Variants in NRXN3 observed in about 807,000 individuals in gnomAD.
NRXN3 encodes the protein neurexin 3.
Under a neutral mutation model 137.6 loss-of-function variants are expected in NRXN3, and 32 were observed. The observed-to-expected ratio is 0.23, with a 90% CI of 0.18 to 0.31. The LOEUF (loss-of-function observed/expected upper bound fraction) is 0.31, where lower values mean the gene tolerates loss of function less well. Ranked by LOEUF, NRXN3 falls within the 10% of genes least tolerant of loss-of-function variation. NRXN3 has a pLI of 1.00. For missense variants in NRXN3, 1,574 were observed against 2,062.5 expected (o/e 0.76, Z 4.59); for synonymous variants, 798 against 784.5 (o/e 1.02, Z -0.29).
chr14:79,334,732 G>GT (rs2092108477), intron 15 of NRXN3, among the ~76,000 whole-genome samples: 1 of 152,154 alleles, frequency 6.6e-6, no homozygotes, highest in Non-Finnish European at 1.5e-5. Flanking sequence ...TATTAGTGTG[G>GT]TAGTGGCAAG....
At chr14:79,327,413 C>T (rs1480260161) in intron 15 of NRXN3, among the ~76,000 whole-genome samples, 1 of 152,178 alleles carries the variant, frequency 6.6e-6, no homozygotes, top group Non-Finnish European at 1.5e-5. Context: ...AAGAACTTGT[C>T]CTCCTTACTA....
At chr14:79,514,943 T>C (rs1434934585) in intron 16 of NRXN3, among the ~76,000 whole-genome samples, 1 of 150,866 alleles carries the variant, frequency 6.6e-6, no homozygotes, top group Non-Finnish European at 1.5e-5. Context: ...AGTCACATAT[T>C]TGCAGGGTTA....
intron 8 of NRXN3, among the ~76,000 whole-genome samples, chr14:78,773,572 A>T (rs1468097791): frequency 1.3e-5 from 2 of 150,478 alleles, no homozygotes; most frequent in African/African-American, 2.4e-5. Context: ...TTAATTTTTA[A>T]TTTTTTTTTT....
chr14:79,060,092 C>A (rs140683729), intron 15 of NRXN3, among the ~76,000 whole-genome samples: 29 of 152,292 alleles, frequency 1.9e-4, no homozygotes, highest in Admixed American at 1.8e-3. Context: ...TTGAAATATG[C>A]CTCAGACTTT....
intron 19 of NRXN3, among the ~76,000 whole-genome samples, chr14:79,773,249 A>C (rs2139857596): frequency 6.6e-6 from 1 of 152,218 alleles, no homozygotes; most frequent in African/African-American, 2.4e-5. Context: ...AACTAGAAAT[A>C]CCATTTGACC....
At chr14:79,424,936 G>A (rs2095632554) in intron 15 of NRXN3, among the ~76,000 whole-genome samples, 1 of 152,098 alleles carries the variant, frequency 6.6e-6, no homozygotes, top group Non-Finnish European at 1.5e-5. Context: ...AGCTTCAAGA[G>A]CTAAATGACT....
chr14:78,264,018 A>G (rs2071263596), intron 2 of NRXN3, among the ~76,000 whole-genome samples: 1 of 151,830 alleles, frequency 6.6e-6, no homozygotes, highest in African/African-American at 2.4e-5. Context: ...CCCTTTCCTA[A>G]TAGTTTCTCA....
At chr14:79,030,630 T>TC (rs2099606308) in intron 15 of NRXN3, among the ~76,000 whole-genome samples, 1 of 119,734 alleles carries the variant, frequency 8.4e-6, no homozygotes, top group Non-Finnish European at 1.7e-5. Context: ...TCTCTTTCTC[T>TC]GTGTCTTTTT....
chr14:78,585,089 T>A (rs1436256613), intron 4 of NRXN3, among the ~76,000 whole-genome samples: 1 of 143,520 alleles, frequency 7.0e-6, no homozygotes, highest in African/African-American at 2.6e-5. Flanking sequence ...CATACATTAT[T>A]AGGTGGTGAT....
chr14:78,955,127 G>T (rs976836184), intron 10 of NRXN3, among the ~76,000 whole-genome samples: 1 of 152,142 alleles, frequency 6.6e-6, no homozygotes, highest in Non-Finnish European at 1.5e-5. Flanking sequence ...ACTTGTAGCA[G>T]TTCTGCCTTC....
intron 4 of NRXN3, among the ~76,000 whole-genome samples, chr14:78,643,248 G>A (rs1462484464): frequency 6.6e-6 from 1 of 152,210 alleles, no homozygotes. Flanking sequence ...ACAGATCTGA[G>A]TTGAAGTGGA....
intron 3 of NRXN3, among the ~76,000 whole-genome samples, chr14:78,290,922 G>C (rs113311995): frequency 0.01 from 1,586 of 152,304 alleles, 26 homozygotes; most frequent in African/African-American, 0.032. Flanking sequence ...GTTTTAAAGA[G>C]AGAAGTGGCT....
intron 8 of NRXN3, among the ~76,000 whole-genome samples, chr14:78,718,843 CCTGTTTTAA>C (rs2098446463): frequency 6.6e-6 from 1 of 152,142 alleles, no homozygotes; most frequent in Non-Finnish European, 1.5e-5. Flanking sequence ...ACAGCAAAGG[CCTGTTTTAA>C]CTACTTAATT....
intron 16 of NRXN3, among the ~76,000 whole-genome samples, chr14:79,606,405 A>G (rs72696765): frequency 1.3e-4 from 20 of 152,326 alleles, no homozygotes; most frequent in Non-Finnish European, 2.8e-4. Flanking sequence ...AATATACTAT[A>G]TTCATGCAAA....
intron 17 of NRXN3, among the ~76,000 whole-genome samples, chr14:79,685,985 T>C (rs1014721104): frequency 2.0e-5 from 3 of 152,144 alleles, no homozygotes; most frequent in Non-Finnish European, 4.4e-5. Context: ...TCCCATTCCA[T>C]AGCCTATAAG....
At chr14:79,570,374 T>C (rs932533156) in intron 16 of NRXN3, 7 of 152,206 alleles carry the variant, frequency 4.6e-5, no homozygotes, top group Non-Finnish European at 1.0e-4. Context: ...GTCCACAGAA[T>C]TGGGGCAGAG....
chr14:79,456,729 A>G (rs1056758415), intron 15 of NRXN3, among the ~76,000 whole-genome samples: 1 of 151,930 alleles, frequency 6.6e-6, no homozygotes, highest in Admixed American at 6.6e-5. Flanking sequence ...CTGTCAAAAG[A>G]AAAGAAAGGA....
chr14:78,352,530 C>T (rs994276549), intron 4 of NRXN3, among the ~76,000 whole-genome samples: 1 of 152,156 alleles, frequency 6.6e-6, no homozygotes, highest in African/African-American at 2.4e-5. Context: ...GTTGAAGAAA[C>T]CTGGTCTCCT....
intron 16 of NRXN3, among the ~76,000 whole-genome samples, chr14:79,510,136 C>T (rs2096918636): frequency 6.6e-6 from 1 of 152,130 alleles, no homozygotes; most frequent in Non-Finnish European, 1.5e-5. Context: ...TTTCCGTTTA[C>T]CTAAGATAAT....
Sources: gnomAD v4.1 joint callset for allele counts (sites outside exome capture counted in the v4.1 genomes callset) on GRCh38, gnomAD v4.1.1 for gene constraint, MANE v1.5 for transcripts, NCBI Gene and HGNC (gene_info 2026-07-23, HGNC 2026-07-21) for gene names.